CSRNP2: variants seen among roughly 807,000 people sequenced by gnomAD.
CSRNP2 encodes the protein cysteine and serine rich nuclear protein 2, also known as cysteine/serine-rich nuclear protein 2.
Under a neutral mutation model 36.6 loss-of-function variants are expected in CSRNP2, and 11 were observed. The observed-to-expected ratio is 0.30, with a 90% confidence interval of 0.19 to 0.50. The LOEUF is 0.50. Ranked by LOEUF, CSRNP2 falls within the 20% of genes least tolerant of loss-of-function variation. The pLI is 0.98. For synonymous variants in CSRNP2, 248 were observed against 275.3 expected (o/e 0.90, Z 0.98); for missense variants, 483 against 691.4 (o/e 0.70, Z 3.38).
rs1431756940 is a variant in CSRNP2 at position 51,064,420 on chromosome 12, T to C, written c.958A>G (p.Asn320Asp). Residue 320 changes from asparagine (N) to aspartate (D), a missense_variant, in exon 5 of 5, where the codon AAT (asparagine) becomes GAT (aspartate). By Grantham distance (23) the Asn-to-Asp change is conservative. Transcript: ENST00000228515. ...TGCAGGTGCATCACTGCTGTCTCATTCTCAGCAATGAACTCCTGGAAGTCC... is the reference window on the plus strand; with the variant it reads ...TGCAGGTGCATCACTGCTGTCTCATCCTCAGCAATGAACTCCTGGAAGTCC... ...TQDFQEFIAENETAVMHLQSA... is the reference protein window; with the variant it reads ...TQDFQEFIAEDETAVMHLQSA... 6 of 1,613,064 alleles carry C rather than the reference T, an allele frequency of 3.7e-6. No homozygotes were observed. The highest frequency in any genetic ancestry group is 5.1e-6 in the Non-Finnish European group (6 of 1,179,372).
At position 51,067,223 on chromosome 12, in the gene CSRNP2, G is replaced by A. The variant is rs1938485375; in HGVS notation, c.708+450C>T. On this transcript the variant is annotated intron_variant, in intron 4 of 4. Transcript: ENST00000228515. The surrounding 1 kb of genome is among the most constrained non-coding windows in gnomAD (Gnocchi z 4.1). ...AGTATTTAGGAAACATTTACTAAAT[G>A]TTAAATGTACTAACTCCTCTTCATC... Among the ~76,000 whole-genome samples the A allele has an allele frequency of 6.7e-6, 1 of 149,734 alleles. No individual in the cohort carries two copies. The highest frequency in any genetic ancestry group is 2.4e-5 in the African/African-American group (1 of 41,292).
rs772943332 is a variant in CSRNP2, at chr12:51,064,275, G to A, written c.1103C>T (p.Pro368Leu). The A allele has an allele frequency of 5.6e-6, 9 of 1,612,786 alleles. No individual in the cohort carries two copies. In the South Asian group the frequency reaches 6.6e-5, roughly 12 times the overall value. Residue 368 changes from proline to leucine, a missense_variant, in exon 5 of 5, where the codon CCC (proline) becomes CTC (leucine). This residue lies in a region of CSRNP2 where 277 missense variants were observed against 323.6 expected (regional missense o/e 0.86). Coordinates refer to ENST00000228515, the MANE Select transcript of CSRNP2 (RefSeq NM_030809.3). ...TGTAAGGCCTGGGCACAGCTCTTCG[G>A]GGACAGCCAGAGGCTCCTCTAGGAT... is the stretch of plus-strand genomic sequence containing the variant. ...VCILEEPLAV[P>L]EELCPGLTAP... is the part of the protein sequence containing the mutation.
At chr12:51,078,330 T>C (rs1417118728) in intron 1 of CSRNP2, among the ~76,000 whole-genome samples, 1 of 152,072 alleles carries the variant, frequency 6.6e-6, no homozygotes, top group African/African-American at 2.4e-5. Flanking sequence ...TCACAAGATG[T>C]ACCTAAGAAA....
At chr12:51,077,691 C>T (rs1939451775) in intron 1 of CSRNP2, among the ~76,000 whole-genome samples, 1 of 152,148 alleles carries the variant, frequency 6.6e-6, no homozygotes, top group South Asian at 2.1e-4. Context: ...AGAATCTTTC[C>T]CAATCTCATA....
intron 3 of CSRNP2, among the ~76,000 whole-genome samples, chr12:51,071,352 C>T (rs1388379277): frequency 2.6e-5 from 4 of 151,120 alleles, no homozygotes; most frequent in Non-Finnish European, 2.9e-5. Flanking sequence ...GCAGGAGGAT[C>T]GCTTGAGGAT....
chr12:51,079,283 C>T (rs1281645350), intron 1 of CSRNP2, among the ~76,000 whole-genome samples: 1 of 151,426 alleles, frequency 6.6e-6, no homozygotes, highest in Admixed American at 6.6e-5. Flanking sequence ...ACGGGTGCAG[C>T]ACACCAACAT....
chr12:51,073,939 G>C lies in CSRNP2; in HGVS notation c.295C>G (p.His99Asp), dbSNP rs1290448306. ...AGTGTATAGCTCCGTACAGAGTTAT[G>C]GCGCTGGGCCATGCCCAGAGAGCTA... ...GGSSLGMAQRHNSVRSYTLCE... is the reference protein window; with the variant it reads ...GGSSLGMAQRDNSVRSYTLCE... The change falls in exon 3 of 5, where the codon CAT becomes GAT. Residue 99 changes from histidine (H) to aspartate (D), a missense_variant. Physicochemically the swap from His to Asp is moderately conservative, Grantham distance 81 (BLOSUM62 -1). This residue lies in a region of CSRNP2 where 206 missense variants were observed against 367.8 expected (regional missense o/e 0.56). Coordinates refer to ENST00000228515, the MANE Select transcript of CSRNP2 (RefSeq NM_030809.3). 2 of 1,613,920 alleles carry C rather than the reference G, an allele frequency of 1.2e-6. No homozygotes were observed. Among genetic ancestry groups the C allele is most frequent in the Non-Finnish European group, 1.7e-6 (2 of 1,180,010 alleles).
Position 51,063,720 on chromosome 12 carries a change from G to T in CSRNP2, c.*26C>A. On this transcript the variant is annotated 3_prime_UTR_variant, in exon 5 of 5. Transcript: ENST00000228515. ...AAATAAGGGAATAAATAGAGAATGGGTAAGAGGCAGGACCTCTAGCGCCTG... is the reference window on the plus strand; with the variant it reads ...AAATAAGGGAATAAATAGAGAATGGTTAAGAGGCAGGACCTCTAGCGCCTG... 6.7e-7 allele frequency: 1 copy of T among 1,488,268 alleles called. No individual in the cohort carries two copies. Among genetic ancestry groups the T allele is most frequent in the Non-Finnish European group, 9.0e-7 (1 of 1,112,956 alleles). 92.2% of individuals were successfully genotyped at this position (1,488,268 alleles called of 1,614,324 possible).
Position 51,077,623 on chromosome 12 carries a change from G to C in CSRNP2, c.-86-976C>G, listed in dbSNP as rs576016562. ...AGTGTTTCACCAGGCTTCTATAAAG[G>C]TCAAATTTGGTACCAAAGAATGGAC... On this transcript the variant is annotated intron_variant, in intron 1 of 4. Transcript: ENST00000228515. Among the ~76,000 whole-genome samples, 3 of 152,190 alleles carry C rather than the reference G, an allele frequency of 2.0e-5. No homozygotes were observed. The South Asian group carries it at 6.2e-4, about 32-fold the overall frequency.
At chr12:51,081,780 A>C (rs185889842) in intron 1 of CSRNP2, among the ~76,000 whole-genome samples, 3 of 152,146 alleles carry the variant, frequency 2.0e-5, no homozygotes, top group Non-Finnish European at 4.4e-5. Context: ...ACTAGATCTA[A>C]GTTTTTTTCA....
At chr12:51,080,390 A>T (rs1412017199) in intron 1 of CSRNP2, among the ~76,000 whole-genome samples, 2 of 152,108 alleles carry the variant, frequency 1.3e-5, no homozygotes, top group Non-Finnish European at 2.9e-5. Context: ...AGTATCAGTT[A>T]TCTTTAGGTT....
intron 4 of CSRNP2, among the ~76,000 whole-genome samples, chr12:51,066,345 C>T (rs180813118): frequency 7.8e-4 from 118 of 150,404 alleles, no homozygotes; most frequent in African/African-American, 2.8e-3. Flanking sequence ...CCCAGCTACT[C>T]GGGAGGCTGA....
intron 3 of CSRNP2, 70 bp downstream of exon 3, chr12:51,073,753 C>T: frequency 1.4e-6 from 2 of 1,434,210 alleles, no homozygotes; most frequent in Non-Finnish European, 9.4e-7. Flanking sequence ...AAAAATCAAT[C>T]AACCAACCAA....
chr12:51,076,000 G>A (rs2136918852), intron 2 of CSRNP2, among the ~76,000 whole-genome samples: 1 of 152,194 alleles, frequency 6.6e-6, no homozygotes, highest in South Asian at 2.1e-4. Context: ...GCAGTGAGCT[G>A]AGATCTCGCC....
In CSRNP2 at chr12:51,078,787, G is replaced by A. The variant is rs542665623; in HGVS notation, c.-86-2140C>T. On this transcript the variant is annotated intron_variant, in intron 1 of 4. Transcript: ENST00000228515. ...ACACTGTTGGTGGGACTGAAAACTA[G>A]TTCAACCATTGTGGAAGACAGTGTG... Among the ~76,000 whole-genome samples, 10 of 152,316 alleles carry A rather than the reference G, an allele frequency of 6.6e-5. No homozygotes were observed. The South Asian group carries it at 1.9e-3, about 28-fold the overall frequency.
Position 51,072,461 on chromosome 12 carries a change from G to T in CSRNP2, c.411+1362C>A, listed in dbSNP as rs201074362. Among the ~76,000 whole-genome samples the T allele has an allele frequency of 2.0e-5, 3 of 150,752 alleles. No individual in the cohort carries two copies. In the East Asian group the frequency reaches 6.0e-4, roughly 30 times the overall value. On this transcript the variant is annotated intron_variant, in intron 3 of 4. Coordinates refer to ENST00000228515, the MANE Select transcript of CSRNP2 (RefSeq NM_030809.3). ...ACCTGTAGTCCCAGCTATTCAGGAGGCTGAGGCAGGAGAATGGTGTGAACC... is the reference window on the plus strand; with the variant it reads ...ACCTGTAGTCCCAGCTATTCAGGAGTCTGAGGCAGGAGAATGGTGTGAACC...
At chr12:51,071,218 C>T (rs1939138884) in intron 3 of CSRNP2, among the ~76,000 whole-genome samples, 1 of 148,442 alleles carries the variant, frequency 6.7e-6, no homozygotes, top group South Asian at 2.1e-4. Flanking sequence ...CGAGATTGCG[C>T]CACTGCACTC....
intron 3 of CSRNP2, among the ~76,000 whole-genome samples, chr12:51,073,202 G>C (rs1939257890): frequency 6.6e-6 from 1 of 151,842 alleles, no homozygotes; most frequent in African/African-American, 2.4e-5. Flanking sequence ...CTGGGTGACA[G>C]AGAGAGACCC....
chr12:51,075,014 G>A lies in CSRNP2; in HGVS notation c.152-932C>T, dbSNP rs183512906. On this transcript the variant is annotated intron_variant, in intron 2 of 4. Transcript: ENST00000228515. ...TGGGAGACGGAGGTTGCAGTGAGCC[G>A]AGATTGTGCCACTGCACTTCAGCCT... Among the ~76,000 whole-genome samples the A allele has an allele frequency of 9.6e-3, 1,468 of 152,212 alleles. 27 individuals are homozygous for A. Among genetic ancestry groups the A allele is most frequent in the African/African-American group, 0.033 (1,379 of 41,530 alleles).
Sources: gnomAD v4.1 joint callset for allele counts (sites outside exome capture counted in the v4.1 genomes callset) on GRCh38, gnomAD v4.1.1 for gene constraint, gnomAD v4.1.1 regional missense constraint, Gnocchi (gnomAD v3.1) non-coding constraint, MANE v1.5 for transcripts, NCBI Gene and HGNC (gene_info 2026-07-23, HGNC 2026-07-21) for gene names.